The following HECA variants were observed in gnomAD, a reference collection of about 807,000 sequenced individuals.
HECA encodes the protein headcase protein homolog.
HECA carries 13 observed loss-of-function variants against 37.6 expected under a neutral mutation model. The observed-to-expected ratio is 0.35, with a 90% confidence interval of 0.23 to 0.55. The LOEUF (loss-of-function observed/expected upper bound fraction) is 0.55, where lower values mean the gene tolerates loss of function less well. HECA is among the 20% of genes least tolerant of loss of function. The pLI, the probability that HECA is intolerant of heterozygous loss-of-function variation, is 0.90. For missense variants in HECA, 527 were observed against 701.9 expected, an observed-to-expected ratio of 0.75 and a Z score of 2.82; for synonymous variants, 307 against 291.5, an observed-to-expected ratio of 1.05 and a Z score of -0.54.
At chr6:139,139,801 A>G (rs1346521506) in intron 1 of HECA, among the ~76,000 whole-genome samples, 1 of 152,248 alleles carries the variant, frequency 6.6e-6, no homozygotes, top group Non-Finnish European at 1.5e-5. Context: ...GAAACCCTTT[A>G]TGGAGAGGGA....
At chr6:139,157,007 T>G (rs138273716) in intron 1 of HECA, among the ~76,000 whole-genome samples, 3,139 of 152,242 alleles carry the variant, frequency 0.021, 116 homozygotes, top group African/African-American at 0.071. Context: ...ATTAAGAAAG[T>G]AAAGGAATAA....
At chr6:139,169,386 T>G (rs1331848413) in intron 2 of HECA, among the ~76,000 whole-genome samples, 3 of 152,158 alleles carry the variant, frequency 2.0e-5, no homozygotes, top group Non-Finnish European at 4.4e-5. Flanking sequence ...AAATTTTCTG[T>G]TCTTACATTT....
At chr6:139,161,228 TCA>T (rs1774797626) in intron 1 of HECA, among the ~76,000 whole-genome samples, 3 of 152,150 alleles carry the variant, frequency 2.0e-5, no homozygotes, top group Admixed American at 6.5e-5. Flanking sequence ...CCTGGGAGCC[TCA>T]CCCTGCTGGT....
intron 1 of HECA, among the ~76,000 whole-genome samples, chr6:139,146,533 C>T (rs948557893): frequency 3.3e-5 from 5 of 152,130 alleles, no homozygotes; most frequent in South Asian, 2.1e-4. Flanking sequence ...AGGCAGAAGT[C>T]GAAACAGAAA....
At chr6:139,141,581 C>T (rs1429786263) in intron 1 of HECA, among the ~76,000 whole-genome samples, 1 of 152,108 alleles carries the variant, frequency 6.6e-6, no homozygotes, top group Non-Finnish European at 1.5e-5. Flanking sequence ...ATTTATTTCT[C>T]ACAGTTCTAG....
rs540390346 is a variant in HECA, at chr6:139,143,494, G to GA, written c.271+7833dup. Reference sequence around the variant, plus strand: ...TCTCTTTCTTATCATAGTTTACTGGGAAAAAATCAGATGATTTAGCTAAAA... The same window carrying GA: ...TCTCTTTCTTATCATAGTTTACTGGGAAAAAAATCAGATGATTTAGCTAAAA... On this transcript the variant is annotated intron_variant, in intron 1 of 3. Coordinates refer to ENST00000367658, the MANE Select transcript of HECA (RefSeq NM_016217.3). 4.0e-3 allele frequency among the ~76,000 whole-genome samples: 615 copies of GA among 152,182 alleles called. 2 individuals are homozygous for GA. The highest frequency in any genetic ancestry group is 6.3e-3 in the Non-Finnish European group (426 of 67,994).
At chr6:139,159,816 A>G (rs1774772126) in intron 1 of HECA, among the ~76,000 whole-genome samples, 1 of 152,222 alleles carries the variant, frequency 6.6e-6, no homozygotes, top group Non-Finnish European at 1.5e-5. Flanking sequence ...ATGACTTAAG[A>G]AGACCCTCCT....
intron 1 of HECA, chr6:139,155,573 C>T (rs1453189248): frequency 3.9e-5 from 6 of 152,168 alleles, no homozygotes; most frequent in Non-Finnish European, 5.9e-5. Flanking sequence ...TATATGCACA[C>T]GTACATATAC....
At chr6:139,170,619 C>A (rs2050137) in intron 2 of HECA, 108,158 of 152,226 alleles carry the variant, frequency 0.71, 39,666 homozygotes, top group African/African-American at 0.86. Context: ...CGATGAGGAG[C>A]TAGGGAGAGA....
At chr6:139,137,195 A>G (rs1447454558) in intron 1 of HECA, among the ~76,000 whole-genome samples, 1 of 151,848 alleles carries the variant, frequency 6.6e-6, no homozygotes, top group Non-Finnish European at 1.5e-5. Flanking sequence ...TTTGGTATTG[A>G]TGTGGCAGAG....
intron 2 of HECA, among the ~76,000 whole-genome samples, chr6:139,169,280 A>G (rs1774937647): frequency 6.6e-6 from 1 of 151,830 alleles, no homozygotes; most frequent in Admixed American, 6.6e-5. Context: ...ATAATAAAGG[A>G]TATATAATAA....
At chr6:139,151,123 T>C (rs554295930) in intron 1 of HECA, 7 of 152,244 alleles carry the variant, frequency 4.6e-5, no homozygotes, top group Non-Finnish European at 1.0e-4. Flanking sequence ...GGCCGTGCAG[T>C]GTGGCCCCAG....
intron 1 of HECA, among the ~76,000 whole-genome samples, chr6:139,149,770 A>G (rs554613770): frequency 1.9e-4 from 29 of 152,314 alleles, no homozygotes; most frequent in Admixed American, 1.2e-3. Flanking sequence ...AGCTACTGCA[A>G]ACAGCCTTTC....
intron 1 of HECA, among the ~76,000 whole-genome samples, chr6:139,155,303 C>G (rs1196445368): frequency 6.6e-6 from 1 of 152,188 alleles, no homozygotes; most frequent in South Asian, 2.1e-4. Flanking sequence ...AGGCCACTTA[C>G]ACATGAAAGG....
At chr6:139,164,046 T>A (rs1774845340) in intron 1 of HECA, among the ~76,000 whole-genome samples, 1 of 145,258 alleles carries the variant, frequency 6.9e-6, no homozygotes, top group African/African-American at 2.7e-5. Context: ...CAGCATGGAC[T>A]CTCACACACA....
intron 1 of HECA, among the ~76,000 whole-genome samples, chr6:139,150,706 C>T (rs754781393): frequency 6.1e-4 from 92 of 151,078 alleles, no homozygotes; most frequent in Admixed American, 2.7e-3. Flanking sequence ...ATTATTTTTC[C>T]CCTCTGGTTT....
Position 139,167,182 on chromosome 6 carries a change from C to T in HECA, c.1170C>T (p.Ala390=), listed in dbSNP as rs1180271067. 2 of 1,614,098 alleles carry T rather than the reference C, an allele frequency of 1.2e-6. No individual in the cohort carries two copies. The highest frequency in any genetic ancestry group is 1.1e-5 in the South Asian group (1 of 91,090). The change falls in exon 2 of 4, where the codon GCC becomes GCT. Residue 390 remains alanine, a synonymous_variant. Transcript: ENST00000367658. The part of the protein sequence containing the change: ...LRKFILAALS[A]SHRNVVNCAL... ...AGTTCATTCTGGCCGCGCTCAGTGC[C>T]AGCCACAGAAACGTGGTAAACTGTG...
At chr6:139,143,287 A>G (rs1275350065) in intron 1 of HECA, among the ~76,000 whole-genome samples, 1 of 152,208 alleles carries the variant, frequency 6.6e-6, no homozygotes, top group Non-Finnish European at 1.5e-5. Flanking sequence ...GAGCCCTGTC[A>G]ACAACAGCTT....
At chr6:139,164,153 C>T (rs765561088) in intron 1 of HECA, among the ~76,000 whole-genome samples, 1 of 151,958 alleles carries the variant, frequency 6.6e-6, no homozygotes, top group Non-Finnish European at 1.5e-5. Flanking sequence ...TTTCTCAACC[C>T]ACAGCACCCT....
Sources: allele counts gnomAD v4.1 joint callset (sites outside exome capture counted in the v4.1 genomes callset), GRCh38; gene constraint gnomAD v4.1.1; transcripts MANE v1.5; gene names NCBI Gene and HGNC (gene_info 2026-07-23, HGNC 2026-07-21).